The following ELOVL2 variants were observed in gnomAD, a reference collection of about 807,000 sequenced individuals.
ELOVL2 encodes very long chain fatty acid elongase 2.
A neutral mutation model predicts 37.7 loss-of-function variants in ELOVL2; 38 were observed. The observed-to-expected ratio is 1.01, with a 90% CI of 0.78 to 1.32. The LOEUF is 1.32. Among genes scored for constraint, ELOVL2 ranks in the 40% most tolerant of loss-of-function variants. ELOVL2 has a pLI of 0.00. For synonymous variants in ELOVL2, 115 were observed against 122.3 expected, an observed-to-expected ratio of 0.94 and a Z score of 0.40; for missense variants, 352 against 363.6, an observed-to-expected ratio of 0.97 and a Z score of 0.26.
intron 1 of ELOVL2, among the ~76,000 whole-genome samples, chr6:11,040,594 G>A (rs1783084008): frequency 6.6e-6 from 1 of 152,046 alleles, no homozygotes; most frequent in Admixed American, 6.6e-5. Flanking sequence ...AATTACATAT[G>A]CGATTTATGT....
intron 1 of ELOVL2, among the ~76,000 whole-genome samples, chr6:11,031,517 A>G (rs939832672): frequency 1.3e-5 from 2 of 152,228 alleles, no homozygotes; most frequent in Non-Finnish European, 2.9e-5. Flanking sequence ...CTGCCATTAA[A>G]TAACCTTTAC....
intron 1 of ELOVL2, among the ~76,000 whole-genome samples, chr6:11,037,672 G>C (rs1783032081): frequency 6.6e-6 from 1 of 152,024 alleles, no homozygotes; most frequent in Non-Finnish European, 1.5e-5. Flanking sequence ...GCCACTCAAT[G>C]TTCTTCTATG....
chr6:10,997,563 ATTTC>A (rs1782292148), intron 4 of ELOVL2, among the ~76,000 whole-genome samples: 1 of 152,108 alleles, frequency 6.6e-6, no homozygotes, highest in Admixed American at 6.5e-5. Context: ...CATGTCTTTT[ATTTC>A]TTAGAAAAAC....
At chr6:11,021,818 G>T (rs1423813614) in intron 1 of ELOVL2, among the ~76,000 whole-genome samples, 2 of 152,146 alleles carry the variant, frequency 1.3e-5, no homozygotes, top group Non-Finnish European at 2.9e-5. Flanking sequence ...GGCTGGTGCT[G>T]CTGGCTCACC....
At chr6:11,029,177 A>G (rs1782882084) in intron 1 of ELOVL2, among the ~76,000 whole-genome samples, 1 of 146,620 alleles carries the variant, frequency 6.8e-6, no homozygotes, top group Admixed American at 7.1e-5. Context: ...GTAGGGAGAC[A>G]AGATCGCGCC....
chr6:10,990,719 C>CTT (rs1295578649), intron 5 of ELOVL2, among the ~76,000 whole-genome samples: 2 of 151,152 alleles, frequency 1.3e-5, no homozygotes, highest in Non-Finnish European at 2.9e-5. Flanking sequence ...TTTACTGTCT[C>CTT]TTTAACCGTC....
rs1408077684 is a variant in ELOVL2, at chr6:10,980,862, C to T, written c.*2919G>A. 1.3e-5 allele frequency: 2 copies of T among 152,542 alleles called. No homozygotes were observed. The highest frequency in any genetic ancestry group is 4.8e-5 in the African/African-American group (2 of 41,400). 9.4% of individuals were successfully genotyped at this position (152,542 alleles called of 1,614,324 possible). A position where few individuals can be genotyped will look rare whatever the true frequency, so the allele number is the denominator to read the frequency against. The stretch of plus-strand genomic sequence containing the variant: ...CTCCCTGTCTACTCCATTCATGATA[C>T]TATGTTCTTAAGATATAATTACTTT... On this transcript the variant is annotated 3_prime_UTR_variant, in exon 8 of 8. Coordinates refer to ENST00000354666, the MANE Select transcript of ELOVL2 (RefSeq NM_017770.4).
intron 2 of ELOVL2, 98 bp downstream of exon 2, chr6:11,010,648 T>C (rs895590482): frequency 4.3e-5 from 42 of 982,742 alleles, no homozygotes; most frequent in Admixed American, 1.0e-4. Context: ...AGTACCTTAC[T>C]ATTTCCAAGA....
chr6:11,017,750 A>G (rs771414734), intron 1 of ELOVL2, among the ~76,000 whole-genome samples: 8 of 151,856 alleles, frequency 5.3e-5, no homozygotes, highest in African/African-American at 1.9e-4. Flanking sequence ...GACCTGCTCT[A>G]TTTTTTCTTT....
At chr6:11,042,449 G>A (rs919769644) in intron 1 of ELOVL2, among the ~76,000 whole-genome samples, 5 of 152,104 alleles carry the variant, frequency 3.3e-5, no homozygotes, top group Non-Finnish European at 7.4e-5. Context: ...GCTTTCAAGA[G>A]CTTGCCCTTG....
intron 1 of ELOVL2, among the ~76,000 whole-genome samples, chr6:11,016,120 T>A (rs549681005): frequency 1.7e-5 from 2 of 117,668 alleles, no homozygotes; most frequent in Non-Finnish European, 3.7e-5. Context: ...TTCTTTCTTC[T>A]CTTCCTTTAA....
rs1782239299 is a variant in ELOVL2, at chr6:10,995,043, A to G, written c.469T>C (p.Trp157Arg). Residue 157 changes from tryptophan (W) to arginine (R), a missense_variant, in exon 5 of 8, where the codon TGG becomes CGG. Transcript: ENST00000354666. Reference sequence around the variant, plus strand: ...GGTATCCAGTTCAAGACACACCACCAGATGTTAAACATAGAAGCATGATGA... The same window carrying G: ...GGTATCCAGTTCAAGACACACCACCGGATGTTAAACATAGAAGCATGATGA... The part of the protein sequence containing the change: ...VYHHASMFNI[W>R]WCVLNWIPCG... 6.2e-7 allele frequency: 1 copy of G among 1,612,068 alleles called. No homozygotes were observed.
At chr6:11,034,664 C>A (rs1782981773) in intron 1 of ELOVL2, among the ~76,000 whole-genome samples, 1 of 151,608 alleles carries the variant, frequency 6.6e-6, no homozygotes, top group South Asian at 2.1e-4. Context: ...GCCTGGGTGA[C>A]AGAGTGAGAC....
At chr6:11,010,128 A>C (rs538002634) in intron 2 of ELOVL2, among the ~76,000 whole-genome samples, 1 of 149,930 alleles carries the variant, frequency 6.7e-6, no homozygotes, top group South Asian at 2.1e-4. Context: ...GGTTCAAGTG[A>C]TTCTCCTGCC....
At chr6:11,002,397 ACC>A (rs1782403001) in intron 3 of ELOVL2, among the ~76,000 whole-genome samples, 1 of 152,156 alleles carries the variant, frequency 6.6e-6, no homozygotes, top group Non-Finnish European at 1.5e-5. Flanking sequence ...ACATCTGCTG[ACC>A]CCTAACAAGT....
chr6:11,033,329 C>T (rs549104837), intron 1 of ELOVL2, among the ~76,000 whole-genome samples: 2 of 152,020 alleles, frequency 1.3e-5, no homozygotes, highest in African/African-American at 2.4e-5. Flanking sequence ...TACACGAATC[C>T]AATACACTTA....
chr6:11,020,395 C>T (rs1782748928), intron 1 of ELOVL2, among the ~76,000 whole-genome samples: 1 of 152,188 alleles, frequency 6.6e-6, no homozygotes, highest in African/African-American at 2.4e-5. Context: ...ATCAACCCAA[C>T]TTTCTGTAGT....
At chr6:10,988,581 AT>A (rs1234713507) in intron 7 of ELOVL2, among the ~76,000 whole-genome samples, 3 of 152,252 alleles carry the variant, frequency 2.0e-5, no homozygotes, top group Non-Finnish European at 2.9e-5. Context: ...ATAAATAAAA[AT>A]AAAAACCACT....
chr6:11,024,315 G>A (rs1782809437), intron 1 of ELOVL2, among the ~76,000 whole-genome samples: 1 of 152,114 alleles, frequency 6.6e-6, no homozygotes, highest in Non-Finnish European at 1.5e-5. Flanking sequence ...CTTGGATATT[G>A]TTTTGAATCC....
Sources: allele counts gnomAD v4.1 joint callset (sites outside exome capture counted in the v4.1 genomes callset), GRCh38; gene constraint gnomAD v4.1.1; transcripts MANE v1.5; gene names NCBI Gene and HGNC (gene_info 2026-07-23, HGNC 2026-07-21).